FAAH2: variants seen among roughly 807,000 people sequenced by gnomAD.
FAAH2 encodes fatty-acid amide hydrolase 2.
FAAH2 carries 60 observed loss-of-function variants against 36.9 expected under a neutral mutation model. The ratio of observed to expected loss-of-function variants is 1.63; its 90% CI spans 1.32 to 2.02. The LOEUF (loss-of-function observed/expected upper bound fraction) is 2.02. Among genes scored for constraint, FAAH2 ranks in the 30% most tolerant of loss-of-function variants. The pLI is 0.00. For synonymous variants in FAAH2, 214 were observed against 143.8 expected (o/e 1.49, Z -3.49); for missense variants, 689 against 397.5 (o/e 1.73, Z -6.23).
the FAAH2 span, among the ~76,000 whole-genome samples, chrX:57,240,002 C>T: frequency 8.9e-6 from 1 of 111,775 alleles, no homozygotes; most frequent in South Asian, 3.7e-4. Flanking sequence ...TCTTTGTTTC[C>T]ATCCAGATTC....
chrX:57,350,392 T>C (rs1422232734), intron 5 of FAAH2, among the ~76,000 whole-genome samples: 1 of 109,311 alleles, frequency 9.1e-6, no homozygotes, highest in Non-Finnish European at 1.9e-5. Flanking sequence ...GAGAAAGGAA[T>C]CAAATGGCAC....
chrX:57,244,767 G>T, the FAAH2 span, among the ~76,000 whole-genome samples: 1 of 111,829 alleles, frequency 8.9e-6, no homozygotes, highest in Non-Finnish European at 1.9e-5. Context: ...ACCAGCCACT[G>T]CAAAAACATA....
chrX:57,178,909 T>G, the FAAH2 span, among the ~76,000 whole-genome samples: 1 of 111,818 alleles, frequency 8.9e-6, no homozygotes, highest in African/African-American at 3.3e-5. Flanking sequence ...CAAGCCACAC[T>G]TCTCACAAGC....
chrX:57,258,222 A>G, the FAAH2 span, among the ~76,000 whole-genome samples: 5 of 111,564 alleles, frequency 4.5e-5, no homozygotes, highest in African/African-American at 9.8e-5. Context: ...ATAAGTAGTG[A>G]TGGGAAATTG....
the FAAH2 span, among the ~76,000 whole-genome samples, chrX:57,238,001 G>T: frequency 1.8e-5 from 2 of 111,370 alleles, no homozygotes; most frequent in African/African-American, 3.3e-5. Context: ...AACATAGCAG[G>T]TATTGGCAAG....
chrX:57,278,575 C>T, the FAAH2 span, among the ~76,000 whole-genome samples: 18 of 110,664 alleles, frequency 1.6e-4, no homozygotes, highest in African/African-American at 5.2e-4. Context: ...CCAAAATTGA[C>T]AAATTGCATC....
At chrX:57,232,319 G>A in the FAAH2 span, among the ~76,000 whole-genome samples, 303 of 111,726 alleles carry the variant, frequency 2.7e-3, 1 homozygote, top group African/African-American at 9.2e-3. Context: ...AGAAAATGGT[G>A]TTAAGAAAAT....
chrX:57,383,705 T>A (rs1443067117), intron 7 of FAAH2, among the ~76,000 whole-genome samples: 2 of 111,997 alleles, frequency 1.8e-5, no homozygotes, highest in Admixed American at 9.4e-5. Context: ...CATTCCATGC[T>A]CATGGATAGG....
the FAAH2 span, among the ~76,000 whole-genome samples, chrX:57,145,344 T>C: frequency 0.031 from 3,423 of 111,172 alleles, 117 homozygotes; most frequent in African/African-American, 0.11. Context: ...TTGTTGGCCA[T>C]TTGTATATCT....
chrX:57,276,745 C>T, the FAAH2 span, among the ~76,000 whole-genome samples: 1 of 111,527 alleles, frequency 9.0e-6, no homozygotes, highest in Admixed American at 9.5e-5. Context: ...AAGGGGATAT[C>T]ACCACCAATC....
chrX:57,468,480 C>T (rs970283952), intron 10 of FAAH2, among the ~76,000 whole-genome samples: 2 of 111,234 alleles, frequency 1.8e-5, no homozygotes, highest in East Asian at 2.8e-4. Context: ...TTTGATCAAA[C>T]GGAAGAAAGG....
intron 5 of FAAH2, among the ~76,000 whole-genome samples, chrX:57,373,684 T>C (rs945769822): frequency 8.9e-5 from 10 of 111,950 alleles, no homozygotes; most frequent in Non-Finnish European, 1.7e-4. Flanking sequence ...GTCTGTTTAC[T>C]CTGCTGTTTC....
intron 5 of FAAH2, among the ~76,000 whole-genome samples, chrX:57,369,817 A>G (rs1282342032): frequency 8.9e-6 from 1 of 111,980 alleles, no homozygotes; most frequent in Non-Finnish European, 1.9e-5. Context: ...CCATTATTAT[A>G]AAGTAATATA....
chrX:57,294,247 T>C (rs775280851), intron 2 of FAAH2, among the ~76,000 whole-genome samples: 1 of 112,317 alleles, frequency 8.9e-6, no homozygotes, highest in African/African-American at 3.2e-5. Flanking sequence ...TTGTTATCCC[T>C]GTTTGCTTGG....
At chrX:57,388,272 A>G (rs2055075906) in intron 7 of FAAH2, among the ~76,000 whole-genome samples, 1 of 111,612 alleles carries the variant, frequency 9.0e-6, no homozygotes, top group African/African-American at 3.2e-5. Context: ...ATTTTGTAGC[A>G]GAAACTCAAT....
At chrX:57,311,758 C>A (rs1602236043) in intron 3 of FAAH2, among the ~76,000 whole-genome samples, 2 of 112,359 alleles carry the variant, frequency 1.8e-5, no homozygotes, top group African/African-American at 3.2e-5. Flanking sequence ...ACAGCCCCTG[C>A]AGCCCAACCT....
intron 10 of FAAH2, among the ~76,000 whole-genome samples, chrX:57,478,645 A>G (rs918658270): frequency 1.8e-5 from 2 of 111,663 alleles, no homozygotes; most frequent in Non-Finnish European, 3.8e-5. Flanking sequence ...TCTTTAATCC[A>G]TCTTGAATTA....
At chrX:57,135,385 A>C in the FAAH2 span, 1 of 158,627 alleles carries the variant, frequency 6.3e-6, no homozygotes, top group Non-Finnish European at 1.2e-5. Flanking sequence ...CCCCTCCCCC[A>C]AGGAGCCCCT....
the FAAH2 span, among the ~76,000 whole-genome samples, chrX:57,165,045 A>G: frequency 8.9e-6 from 1 of 112,370 alleles, no homozygotes; most frequent in Non-Finnish European, 1.9e-5. Flanking sequence ...TTCTTTGGCC[A>G]TACTATGAGG....
Sources: gnomAD v4.1 joint callset for allele counts (sites outside exome capture counted in the v4.1 genomes callset) on GRCh38, gnomAD v4.1.1 for gene constraint, MANE v1.5 for transcripts, NCBI Gene and HGNC (gene_info 2026-07-23, HGNC 2026-07-21) for gene names.